NCKAP5L: variants seen among roughly 807,000 people sequenced by gnomAD.
NCKAP5L encodes nck-associated protein 5-like.
Under a neutral mutation model 103.2 loss-of-function variants are expected in NCKAP5L, and 54 were observed. The ratio of observed to expected loss-of-function variants is 0.52; its 90% CI spans 0.42 to 0.66. NCKAP5L has a LOEUF of 0.66. Among genes scored for constraint, NCKAP5L ranks in the 30% least tolerant of loss-of-function variants. The pLI is 0.00. For missense variants in NCKAP5L, 1,733 were observed against 1,750.6 expected (o/e 0.99, Z 0.18); for synonymous variants, 762 against 748.6 (o/e 1.02, Z -0.29).
intron 1 of NCKAP5L, among the ~76,000 whole-genome samples, chr12:49,823,018 T>C (rs11169167): frequency 0.67 from 102,262 of 151,988 alleles, 35,330 homozygotes; most frequent in East Asian, 0.87. Flanking sequence ...GTCAGATGAA[T>C]GTGGGGGCTC....
chr12:49,803,563 T>C (rs754440852), intron 3 of NCKAP5L, among the ~76,000 whole-genome samples: 4 of 151,976 alleles, frequency 2.6e-5, no homozygotes, highest in Admixed American at 6.6e-5. Flanking sequence ...CCCTTATCCC[T>C]CAACTCCTGA....
intron 1 of NCKAP5L, among the ~76,000 whole-genome samples, chr12:49,806,514 T>G (rs1946182351): frequency 1.3e-5 from 2 of 152,222 alleles, no homozygotes; most frequent in Admixed American, 1.3e-4. Context: ...TTACCCAGTG[T>G]GATGAATAGC....
At chr12:49,819,900 C>T (rs187972369) in intron 1 of NCKAP5L, among the ~76,000 whole-genome samples, 13 of 152,294 alleles carry the variant, frequency 8.5e-5, no homozygotes, top group African/African-American at 2.4e-4. Flanking sequence ...GGTGTCATTC[C>T]ACACAGAAGG....
At chr12:49,799,599 G>T (rs1331599829) in intron 6 of NCKAP5L, among the ~76,000 whole-genome samples, 1 of 152,126 alleles carries the variant, frequency 6.6e-6, no homozygotes, top group Non-Finnish European at 1.5e-5. Flanking sequence ...TTATAGGCGT[G>T]AGCTACCGCG....
intron 1 of NCKAP5L, among the ~76,000 whole-genome samples, chr12:49,812,540 C>T (rs540117029): frequency 6.6e-5 from 10 of 152,188 alleles, no homozygotes; most frequent in Non-Finnish European, 8.8e-5. Context: ...CCCGCCACCA[C>T]GCCTGGCTAA....
chr12:49,793,746 T>G lies in NCKAP5L; in HGVS notation c.3246A>C (p.Lys1082Asn). The G allele has an allele frequency of 6.4e-7, 1 of 1,552,814 alleles. No individual in the cohort carries two copies. The highest frequency in any genetic ancestry group is 2.3e-5 in the East Asian group (1 of 43,684). ...CCCAAGAACTTACCTTTCCAGGAGG[T>G]TTTCCGCAGCCCTGAAGAGGGCCCA... ...GLVGPLQGCG[K>N]PPGKPSSEPG... Residue 1082 changes from lysine to asparagine, a missense_variant, in exon 9 of 13, where the codon AAA becomes AAC. Physicochemically the swap from Lys to Asn is moderately conservative, Grantham distance 94. Transcript: ENST00000335999.
At chr12:49,820,226 C>G (rs1180188594) in intron 1 of NCKAP5L, among the ~76,000 whole-genome samples, 1 of 151,914 alleles carries the variant, frequency 6.6e-6, no homozygotes, top group Non-Finnish European at 1.5e-5. Flanking sequence ...ACAATAGGGC[C>G]TGGGAGGCTG....
chr12:49,824,000 G>A lies in NCKAP5L; in HGVS notation c.-99+4322C>T, dbSNP rs1272195909. Reference sequence around the variant, plus strand: ...CTGCTGGGCGGTGGGGGGTGAGGGTGCCAGTTCCATATCTGCAGTGTTTTG... The same window carrying A: ...CTGCTGGGCGGTGGGGGGTGAGGGTACCAGTTCCATATCTGCAGTGTTTTG... On this transcript the variant is annotated intron_variant, in intron 1 of 12. Coordinates refer to ENST00000335999, the MANE Select transcript of NCKAP5L (RefSeq NM_001037806.4). Among the ~76,000 whole-genome samples, 4 of 152,174 alleles carry A rather than the reference G, an allele frequency of 2.6e-5. No individual in the cohort carries two copies. The East Asian group carries it at 7.7e-4, about 29-fold the overall frequency.
At chr12:49,793,517 T>C in intron 9 of NCKAP5L, 84 bp from the exon 10 acceptor site, 1 of 1,431,088 alleles carries the variant, frequency 7.0e-7, no homozygotes, top group South Asian at 1.2e-5. Flanking sequence ...GGAATGTGTC[T>C]GTAAACATAT....
chr12:49,822,005 G>A (rs913124335), intron 1 of NCKAP5L, among the ~76,000 whole-genome samples: 5 of 152,182 alleles, frequency 3.3e-5, no homozygotes, highest in Admixed American at 3.3e-4. Context: ...AATACCCAAG[G>A]TAATGCTATT....
intron 2 of NCKAP5L, 112 bp from the exon 3 acceptor site, chr12:49,804,192 A>C: frequency 5.3e-5 from 55 of 1,036,200 alleles, no homozygotes; most frequent in Non-Finnish European, 6.1e-5. Flanking sequence ...GTAATAACTC[A>C]GGGCCAGGCT....
chr12:49,820,368 AGGCAGT>A (rs1946347933), intron 1 of NCKAP5L, among the ~76,000 whole-genome samples: 1 of 146,658 alleles, frequency 6.8e-6, no homozygotes, highest in Admixed American at 6.8e-5. Context: ...CCAGGCTGGA[AGGCAGT>A]GGCGCGATCT....
At chr12:49,812,130 A>G (rs1946246637) in intron 1 of NCKAP5L, among the ~76,000 whole-genome samples, 1 of 152,144 alleles carries the variant, frequency 6.6e-6, no homozygotes, top group Admixed American at 6.6e-5. Context: ...TGCAATCATC[A>G]ACATGGTTAA....
At chr12:49,803,519 G>C (rs184419300) in intron 3 of NCKAP5L, among the ~76,000 whole-genome samples, 61 of 152,236 alleles carry the variant, frequency 4.0e-4, no homozygotes, top group African/African-American at 1.4e-3. Context: ...AGGGTGTTAA[G>C]AATGTGGTGA....
chr12:49,817,622 A>G (rs1303494988), intron 1 of NCKAP5L, among the ~76,000 whole-genome samples: 2 of 152,148 alleles, frequency 1.3e-5, no homozygotes, highest in Non-Finnish European at 2.9e-5. Flanking sequence ...AAAAACAGAT[A>G]CTAGATGAAT....
intron 1 of NCKAP5L, among the ~76,000 whole-genome samples, chr12:49,825,853 A>G (rs1946410709): frequency 6.6e-6 from 1 of 152,164 alleles, no homozygotes; most frequent in Non-Finnish European, 1.5e-5. Flanking sequence ...CTCTCCTTCA[A>G]CATTCCCCTT....
chr12:49,808,766 G>A (rs1239396879), intron 1 of NCKAP5L, among the ~76,000 whole-genome samples: 4 of 152,176 alleles, frequency 2.6e-5, no homozygotes, highest in Non-Finnish European at 4.4e-5. Context: ...AGCTCAGCCC[G>A]ACCTGGGGCA....
chr12:49,795,844 C>T lies in NCKAP5L; in HGVS notation c.2016G>A (p.Lys672=). 1 of 1,566,650 alleles carries T rather than the reference C, an allele frequency of 6.4e-7. No individual in the cohort carries two copies. ...AGCCCAGGGCCCCCTCGGGGCCTGT[C>T]TTCAGCTTCCCCAGGGCCGCCAGTC... The part of the protein sequence containing the change: ...RDRLAALGKL[K]TGPEGALGSE... Residue 672 remains lysine (K), a synonymous_variant, in exon 8 of 13, where the codon AAG becomes AAA. Coordinates refer to ENST00000335999, the MANE Select transcript of NCKAP5L (RefSeq NM_001037806.4).
At chr12:49,827,556 C>T (rs540814453) in intron 1 of NCKAP5L, among the ~76,000 whole-genome samples, 6 of 152,338 alleles carry the variant, frequency 3.9e-5, no homozygotes, top group Admixed American at 3.9e-4. Context: ...CTTAGTTGGG[C>T]TAAGCCAGGG....
Sources: allele counts gnomAD v4.1 joint callset (sites outside exome capture counted in the v4.1 genomes callset), GRCh38; gene constraint gnomAD v4.1.1; transcripts MANE v1.5; gene names NCBI Gene and HGNC (gene_info 2026-07-23, HGNC 2026-07-21).